The following RGS7 variants were observed in gnomAD, a reference collection of about 807,000 sequenced individuals.
RGS7 encodes the protein regulator of G-protein signaling 7.
A neutral mutation model predicts 81.1 loss-of-function variants in RGS7; 27 were observed. The ratio of observed to expected loss-of-function variants is 0.33; its 90% CI spans 0.25 to 0.46. RGS7 has a LOEUF of 0.46. Among genes scored for constraint, RGS7 ranks in the 20% least tolerant of loss-of-function variants. The pLI is 1.00. For missense variants in RGS7, 396 were observed against 607.4 expected (o/e 0.65, Z 3.66); for synonymous variants, 208 against 207.7 (o/e 1.00, Z -0.01).
intron 2 of RGS7, among the ~76,000 whole-genome samples, chr1:241,160,554 T>C (rs1354250115): frequency 6.6e-6 from 1 of 152,202 alleles, no homozygotes; most frequent in African/African-American, 2.4e-5. Flanking sequence ...GTGAAACACG[T>C]AGCAGTCTAG....
intron 6 of RGS7, among the ~76,000 whole-genome samples, chr1:240,887,157 TC>T (rs1313305303): frequency 6.6e-6 from 1 of 151,882 alleles, no homozygotes; most frequent in Non-Finnish European, 1.5e-5. Context: ...AAGTTTCTAC[TC>T]AAAAGAAAAT....
chr1:240,885,595 G>C lies in RGS7; in HGVS notation c.386-15476C>G, dbSNP rs551753177. Among the ~76,000 whole-genome samples, 24 of 152,254 alleles carry C rather than the reference G, an allele frequency of 1.6e-4. No individual in the cohort carries two copies. In the South Asian group the frequency reaches 4.8e-3, roughly 30 times the overall value. On this transcript the variant is annotated intron_variant, in intron 6 of 18. Transcript: ENST00000440928. ...GAAAGAATGAGATCATGTCTTTTGAGGGAACATGGATGGAGCTGGAGGCCA... is the reference window on the plus strand; with the variant it reads ...GAAAGAATGAGATCATGTCTTTTGACGGAACATGGATGGAGCTGGAGGCCA...
chr1:241,257,025 C>CTA (rs1218419082), intron 2 of RGS7, among the ~76,000 whole-genome samples: 2 of 151,512 alleles, frequency 1.3e-5, no homozygotes, highest in Non-Finnish European at 2.9e-5. Flanking sequence ...TGTGTATACA[C>CTA]TATATATATT....
chr1:240,969,013 C>T (rs1682774519), intron 4 of RGS7, among the ~76,000 whole-genome samples: 1 of 152,200 alleles, frequency 6.6e-6, no homozygotes, highest in African/African-American at 2.4e-5. Context: ...ACAGCTCTTA[C>T]ACAACTATCT....
intron 2 of RGS7, among the ~76,000 whole-genome samples, chr1:241,352,312 T>C (rs2083296452): frequency 6.6e-6 from 1 of 152,188 alleles, no homozygotes; most frequent in Non-Finnish European, 1.5e-5. Flanking sequence ...CTAATCTAGT[T>C]AGGGGCCTGA....
intron 9 of RGS7, among the ~76,000 whole-genome samples, chr1:240,858,374 C>T (rs948571360): frequency 1.3e-5 from 2 of 152,154 alleles, no homozygotes; most frequent in African/African-American, 4.8e-5. Flanking sequence ...ATGAGAGTTC[C>T]TGATGTTCCA....
chr1:240,922,751 G>A (rs908794378), intron 6 of RGS7, among the ~76,000 whole-genome samples: 1 of 152,096 alleles, frequency 6.6e-6, no homozygotes. Context: ...ACAGGAACTT[G>A]CATTCATTGC....
chr1:240,850,696 T>C (rs1659943691), intron 9 of RGS7, among the ~76,000 whole-genome samples: 1 of 152,166 alleles, frequency 6.6e-6, no homozygotes, highest in African/African-American at 2.4e-5. Context: ...AACAGCCAAG[T>C]TGTGAATGCA....
At chr1:240,902,227 C>G (rs1441898725) in intron 6 of RGS7, among the ~76,000 whole-genome samples, 1 of 152,044 alleles carries the variant, frequency 6.6e-6, no homozygotes, top group Admixed American at 6.5e-5. Context: ...TTTTTGTAAA[C>G]AATTGGTTGA....
At chr1:240,943,762 G>T (rs1459697132) in intron 4 of RGS7, among the ~76,000 whole-genome samples, 1 of 152,084 alleles carries the variant, frequency 6.6e-6, no homozygotes, top group African/African-American at 2.4e-5. Flanking sequence ...TGCTCCACAC[G>T]CTAGGTTTAC....
At chr1:241,161,953 G>A (rs931860714) in intron 2 of RGS7, among the ~76,000 whole-genome samples, 27 of 152,104 alleles carry the variant, frequency 1.8e-4, no homozygotes, top group African/African-American at 6.5e-4. Context: ...CTGACCTCAG[G>A]TGATCCACCT....
chr1:241,321,333 G>A (rs966198701), intron 2 of RGS7, among the ~76,000 whole-genome samples: 22 of 152,090 alleles, frequency 1.4e-4, no homozygotes, highest in African/African-American at 5.3e-4. Context: ...CTCTACAGAA[G>A]AACCAAAAAG....
chr1:240,821,376 T>G lies in RGS7; in HGVS notation c.685-4961A>C, dbSNP rs774899304. On this transcript the variant is annotated intron_variant, in intron 10 of 18. Coordinates refer to ENST00000440928, the MANE Select transcript of RGS7 (RefSeq NM_001364886.1). ...CTGAGACAGGAGAATCACTTGAACC[T>G]GCGAGGCAGAGGCTGCAGTGAGCCG... 1.5e-3 allele frequency among the ~76,000 whole-genome samples: 224 copies of G among 152,244 alleles called. 1 individual carries two copies. The highest frequency in any genetic ancestry group is 2.3e-3 in the Non-Finnish European group (159 of 68,010).
chr1:241,094,238 AACACACAC>A (rs149481776), intron 3 of RGS7, among the ~76,000 whole-genome samples: 37 of 136,460 alleles, frequency 2.7e-4, no homozygotes, highest in African/African-American at 6.3e-4. Flanking sequence ...GACATACATA[AACACACAC>A]ACACACACAC....
rs1356048508 is a variant in RGS7 at position 240,986,862 on chromosome 1, G to A, written c.176-3733C>T. Among the ~76,000 whole-genome samples the A allele has an allele frequency of 5.8e-3, 8 of 1,380 alleles. 2 individuals are homozygous for A. The highest frequency in any genetic ancestry group is 5.5e-3 in the Non-Finnish European group (4 of 722). 0.9% of individuals were successfully genotyped at this position (1,380 alleles called of 152,430 possible). A position where few individuals can be genotyped will look rare whatever the true frequency, so the allele number is the denominator to read the frequency against. ...CTCCCAAAGTGCTGGGATTACAGGCGTGAGCCACCGCGCCCGGCCTAAACA... is the reference window on the plus strand; with the variant it reads ...CTCCCAAAGTGCTGGGATTACAGGCATGAGCCACCGCGCCCGGCCTAAACA... On this transcript the variant is annotated intron_variant, in intron 3 of 18. Transcript: ENST00000440928.
At chr1:241,060,421 A>C (rs2061683748) in intron 3 of RGS7, among the ~76,000 whole-genome samples, 1 of 152,214 alleles carries the variant, frequency 6.6e-6, no homozygotes, top group Non-Finnish European at 1.5e-5. Context: ...ACTGAAAAAA[A>C]TGAAAGAACA....
At chr1:241,260,951 T>C (rs1055180169) in intron 2 of RGS7, among the ~76,000 whole-genome samples, 5 of 148,424 alleles carry the variant, frequency 3.4e-5, no homozygotes, top group East Asian at 4.1e-4. Flanking sequence ...AGGGATAGCA[T>C]TGGGAGATAT....
chr1:240,883,338 A>G (rs1666758407), intron 6 of RGS7, among the ~76,000 whole-genome samples: 1 of 152,128 alleles, frequency 6.6e-6, no homozygotes, highest in Admixed American at 6.5e-5. Flanking sequence ...AATAATAATA[A>G]AAATTTTTTA....
chr1:241,327,093 A>AGAAAGAAAGAAAGAAAGAAAG (rs2081598341), intron 2 of RGS7, among the ~76,000 whole-genome samples: 1 of 56,028 alleles, frequency 1.8e-5, no homozygotes, highest in Non-Finnish European at 3.6e-5. Flanking sequence ...AAAGAAAGAA[A>AGAAAGAAAGAAAGAAAGAAAG]GAAAGAAAGA....
Sources: gnomAD v4.1 joint callset for allele counts (sites outside exome capture counted in the v4.1 genomes callset) on GRCh38, gnomAD v4.1.1 for gene constraint, MANE v1.5 for transcripts, NCBI Gene and HGNC (gene_info 2026-07-23, HGNC 2026-07-21) for gene names.